CFAP54: variants seen among roughly 807,000 people sequenced by gnomAD.
CFAP54 encodes the protein cilia and flagella associated protein 54.
A neutral mutation model predicts 370.4 loss-of-function variants in CFAP54; 290 were observed. That is an observed-to-expected ratio of 0.78 (90% CI 0.71 to 0.86). CFAP54 has a LOEUF of 0.86. Ranked by LOEUF, CFAP54 falls within the 40% of genes least tolerant of loss-of-function variation. The pLI is 0.00. For synonymous variants in CFAP54, 1,206 were observed against 1,236.5 expected (o/e 0.98, Z 0.52); for missense variants, 3,399 against 3,528.7 (o/e 0.96, Z 0.93).
Position 96,729,674 on chromosome 12 carries a change from C to G in CFAP54, c.6965+9109C>G, listed in dbSNP as rs538320568. Among the ~76,000 whole-genome samples, 7 of 152,312 alleles carry G rather than the reference C, an allele frequency of 4.6e-5. No homozygotes were observed. In the East Asian group the frequency reaches 1.4e-3, roughly 29 times the overall value. On this transcript the variant is annotated intron_variant, in intron 50 of 67. Transcript: ENST00000524981. ...CAATGCCTCACCCTGCTTCAGCTCGCGCACGGCGCGCTGCACCCACTGTCC... is the reference window on the plus strand; with the variant it reads ...CAATGCCTCACCCTGCTTCAGCTCGGGCACGGCGCGCTGCACCCACTGTCC...
At chr12:96,580,195 T>TTAGGAG (rs1956018262) in intron 20 of CFAP54, among the ~76,000 whole-genome samples, 1 of 152,086 alleles carries the variant, frequency 6.6e-6, no homozygotes, top group Non-Finnish European at 1.5e-5. Flanking sequence ...CAAAGTCATT[T>TTAGGAG]TAGGAGTCAA....
chr12:96,805,429 A>G (rs1958867530), intron 63 of CFAP54, among the ~76,000 whole-genome samples: 1 of 152,096 alleles, frequency 6.6e-6, no homozygotes, highest in South Asian at 2.1e-4. Context: ...AAGCATGAAC[A>G]TATATTTTTC....
chr12:96,647,906 C>G lies in CFAP54; in HGVS notation c.4579C>G (p.Leu1527Val), dbSNP rs1363206807. The change falls in exon 34 of 68, where the codon CTG (leucine) becomes GTG (valine). Residue 1527 changes from leucine to valine, a missense_variant. Leu to Val is a conservative substitution (Grantham distance 32). This residue lies in a region of CFAP54 where 2,796 missense variants were observed against 2,869.7 expected (regional missense o/e 0.97). Coordinates refer to ENST00000524981, the MANE Select transcript of CFAP54 (RefSeq NM_001306084.2). Reference protein sequence around the residue: ...FRSCDPNMFSLYNSGTVLPTR... With the variant: ...FRSCDPNMFSVYNSGTVLPTR... The stretch of plus-strand genomic sequence containing the variant: ...ATCATGTGATCCTAACATGTTTTCA[C>G]TGTATAATTCAGGAACAGTATTACC... 1 of 1,508,776 alleles carries G rather than the reference C, an allele frequency of 6.6e-7. No individual in the cohort carries two copies. Among genetic ancestry groups the G allele is most frequent in the Non-Finnish European group, 8.8e-7 (1 of 1,137,720 alleles). The allele number at this position is 1,508,776 out of a possible 1,614,324, so 93.5% of individuals were successfully genotyped here.
chr12:96,597,687 A>G (rs1355974685), intron 25 of CFAP54, among the ~76,000 whole-genome samples: 1 of 151,786 alleles, frequency 6.6e-6, no homozygotes, highest in Admixed American at 6.6e-5. Flanking sequence ...GGTTGTCCAA[A>G]AACCATGTCT....
rs139727825 is a variant in CFAP54, at chr12:96,520,604, A to G, written c.943-1253A>G. 4.1e-3 allele frequency among the ~76,000 whole-genome samples: 630 copies of G among 152,226 alleles called. 6 individuals carry two copies. Among genetic ancestry groups the G allele is most frequent in the African/African-American group, 0.014 (587 of 41,544 alleles). On this transcript the variant is annotated intron_variant, in intron 6 of 67. Transcript: ENST00000524981. ...GCCCCTGTATCAATTTGAAAAAGGC[A>G]CCTTCTCTACATTATGTGACACCTG...
chr12:96,754,567 G>C (rs1042061312), intron 56 of CFAP54, among the ~76,000 whole-genome samples: 2 of 152,130 alleles, frequency 1.3e-5, no homozygotes, highest in African/African-American at 2.4e-5. Flanking sequence ...GGTGCGGTCT[G>C]GTTAAGTGAC....
chr12:96,714,988 G>A (rs1353103610), intron 48 of CFAP54, among the ~76,000 whole-genome samples: 2 of 152,160 alleles, frequency 1.3e-5, no homozygotes, highest in Non-Finnish European at 2.9e-5. Context: ...ATGACAAGTT[G>A]AAGGGCAGAG....
intron 26 of CFAP54, among the ~76,000 whole-genome samples, chr12:96,601,642 T>C (rs997855268): frequency 2.8e-4 from 43 of 151,884 alleles, no homozygotes; most frequent in African/African-American, 9.9e-4. Flanking sequence ...GAACCTGTTA[T>C]TGATGTATTC....
chr12:96,854,325 G>A (rs367863043), intron 66 of CFAP54, among the ~76,000 whole-genome samples: 18 of 152,050 alleles, frequency 1.2e-4, no homozygotes, highest in Middle Eastern at 3.4e-3. Context: ...AAATAGTAGC[G>A]AAATAGCAAA....
intron 1 of CFAP54, among the ~76,000 whole-genome samples, chr12:96,491,493 G>A (rs1954884849): frequency 6.6e-6 from 1 of 152,204 alleles, no homozygotes; most frequent in African/African-American, 2.4e-5. Flanking sequence ...AAGGGAGTGT[G>A]TGTGTAAATG....
At chr12:96,867,934 A>G (rs1960046586) in intron 67 of CFAP54, among the ~76,000 whole-genome samples, 1 of 152,218 alleles carries the variant, frequency 6.6e-6, no homozygotes. Flanking sequence ...GAGGAAATGC[A>G]TATATTAATT....
At chr12:96,545,936 G>C (rs530078958) in intron 14 of CFAP54, among the ~76,000 whole-genome samples, 1 of 152,166 alleles carries the variant, frequency 6.6e-6, no homozygotes, top group Non-Finnish European at 1.5e-5. Context: ...TATGCCTTAT[G>C]CTATGTATCT....
chr12:96,726,651 A>C (rs1307249120), intron 50 of CFAP54, among the ~76,000 whole-genome samples: 1 of 151,780 alleles, frequency 6.6e-6, no homozygotes, highest in Non-Finnish European at 1.5e-5. Flanking sequence ...AATTTTTTGA[A>C]GGGTTTTTTG....
At chr12:96,773,344 G>C (rs941157847) in intron 60 of CFAP54, among the ~76,000 whole-genome samples, 1 of 152,202 alleles carries the variant, frequency 6.6e-6, no homozygotes, top group Non-Finnish European at 1.5e-5. Flanking sequence ...ACCAGCCGAA[G>C]AGATGCCTTG....
intron 48 of CFAP54, among the ~76,000 whole-genome samples, chr12:96,716,966 A>C (rs1379139924): frequency 1.3e-5 from 2 of 152,132 alleles, no homozygotes; most frequent in African/African-American, 4.8e-5. Flanking sequence ...TCAGCTATGC[A>C]ATGGAGAAGG....
At chr12:96,648,746 G>T (rs1056449763) in intron 34 of CFAP54, among the ~76,000 whole-genome samples, 1 of 151,748 alleles carries the variant, frequency 6.6e-6, no homozygotes, top group Non-Finnish European at 1.5e-5. Flanking sequence ...GTGCCACCGC[G>T]CCTGGCTAAT....
At chr12:96,852,462 G>T (rs574025233) in intron 66 of CFAP54, among the ~76,000 whole-genome samples, 4 of 152,016 alleles carry the variant, frequency 2.6e-5, no homozygotes, top group Non-Finnish European at 5.9e-5. Flanking sequence ...GGGTCAATTG[G>T]ATATCTAAAA....
At position 96,626,894 on chromosome 12, in the gene CFAP54, A is replaced by G; in HGVS notation, c.4058A>G (p.His1353Arg). Residue 1353 changes from histidine (H) to arginine (R), a missense_variant, in exon 30 of 68, where the codon CAT becomes CGT. Around this residue, in one of 3 missense-constraint regions of CFAP54, gnomAD observed 2,796 missense variants for 2,869.7 expected, o/e 0.97. Transcript: ENST00000524981. ...AAATGCATGAATGAGGAAAAATTTC[A>G]TCTTATGGTAGAGGTAACAACTCCT... ...MLKCMNEEKF[H>R]LMVEVTTPVH... 1.4e-6 allele frequency: 2 copies of G among 1,435,874 alleles called. No homozygotes were observed. Among genetic ancestry groups the G allele is most frequent in the Non-Finnish European group, 1.8e-6 (2 of 1,086,444 alleles). The allele number at this position is 1,435,874 out of a possible 1,614,324, so 88.9% of individuals were successfully genotyped here.
At chr12:96,665,668 A>G (rs887029823) in intron 39 of CFAP54, among the ~76,000 whole-genome samples, 10 of 152,064 alleles carry the variant, frequency 6.6e-5, no homozygotes, top group African/African-American at 2.4e-4. Context: ...ATTCTGTTCC[A>G]CTGGTGTACG....
Sources: gnomAD v4.1 joint callset for allele counts (sites outside exome capture counted in the v4.1 genomes callset) on GRCh38, gnomAD v4.1.1 for gene constraint, gnomAD v4.1.1 regional missense constraint, MANE v1.5 for transcripts, NCBI Gene and HGNC (gene_info 2026-07-23, HGNC 2026-07-21) for gene names.